Variants in CADM2 observed in about 807,000 individuals in gnomAD.
CADM2 encodes cell adhesion molecule 2.
In CADM2, 12 loss-of-function variants were observed where a neutral mutation model predicts 49.8. The ratio of observed to expected loss-of-function variants is 0.24; its 90% CI spans 0.15 to 0.39. The LOEUF is 0.39. Ranked by LOEUF, CADM2 falls within the 10% of genes least tolerant of loss-of-function variation. CADM2 has a pLI of 1.00. For missense variants in CADM2, 378 were observed against 492.3 expected (o/e 0.77, Z 2.20); for synonymous variants, 214 against 175.4 (o/e 1.22, Z -1.74).
At position 85,401,715 on chromosome 3, in the gene CADM2, C is replaced by A. The variant is rs531052245; in HGVS notation, c.62-324807C>A. Among the ~76,000 whole-genome samples the A allele has an allele frequency of 7.9e-5, 12 of 152,244 alleles. No homozygotes were observed. The East Asian group carries it at 1.7e-3, about 22-fold the overall frequency. On this transcript the variant is annotated intron_variant, in intron 1 of 9. Transcript: ENST00000383699. Reference sequence around the variant, plus strand: ...GGGACCCTGTAGTCCTCTCTCCTGCCTGCCAACATTGACCAGACACAAAGG... The same window carrying A: ...GGGACCCTGTAGTCCTCTCTCCTGCATGCCAACATTGACCAGACACAAAGG...
chr3:85,522,993 G>GA (rs71108296), intron 1 of CADM2, among the ~76,000 whole-genome samples: 9,401 of 105,354 alleles, frequency 0.089, 639 homozygotes, highest in African/African-American at 0.24. Context: ...ACTTTTCCAA[G>GA]AAAAAAAAAA....
intron 1 of CADM2, among the ~76,000 whole-genome samples, chr3:85,354,410 G>A (rs896857131): frequency 1.3e-5 from 2 of 150,024 alleles, no homozygotes; most frequent in Non-Finnish European, 3.0e-5. Context: ...GCTAAATGAC[G>A]AGTTAATGGG....
intron 1 of CADM2, among the ~76,000 whole-genome samples, chr3:85,672,725 C>T (rs2065778563): frequency 6.6e-6 from 1 of 152,056 alleles, no homozygotes; most frequent in Non-Finnish European, 1.5e-5. Context: ...ATAACACAAG[C>T]ATAAAAATAG....
chr3:85,457,372 C>A (rs1353287336), intron 1 of CADM2, among the ~76,000 whole-genome samples: 1 of 151,466 alleles, frequency 6.6e-6, no homozygotes, highest in Non-Finnish European at 1.5e-5. Context: ...ATGATTGCAC[C>A]ACTGCACTCC....
chr3:85,020,034 T>G (rs1269707800), intron 1 of CADM2, among the ~76,000 whole-genome samples: 1 of 152,154 alleles, frequency 6.6e-6, no homozygotes, highest in African/African-American at 2.4e-5. Context: ...CAAGTACTAT[T>G]TTAAGTGTGT....
At chr3:85,518,796 A>T (rs1268762589) in intron 1 of CADM2, among the ~76,000 whole-genome samples, 1 of 152,046 alleles carries the variant, frequency 6.6e-6, no homozygotes, top group Non-Finnish European at 1.5e-5. Context: ...TTTAAGGCCT[A>T]CCCAGATGAT....
intron 1 of CADM2, among the ~76,000 whole-genome samples, chr3:85,267,498 A>T (rs12638015): frequency 6.6e-6 from 1 of 151,484 alleles, no homozygotes; most frequent in Non-Finnish European, 1.5e-5. Flanking sequence ...TAAGATTGCC[A>T]TATTTATTTA....
intron 1 of CADM2, among the ~76,000 whole-genome samples, chr3:85,316,165 G>T (rs967135965): frequency 2.6e-5 from 4 of 152,138 alleles, no homozygotes; most frequent in African/African-American, 9.7e-5. Flanking sequence ...CTCTCTGGAA[G>T]TCAGTTTCAC....
At chr3:85,355,742 A>C (rs927489852) in intron 1 of CADM2, among the ~76,000 whole-genome samples, 5 of 152,120 alleles carry the variant, frequency 3.3e-5, no homozygotes, top group Non-Finnish European at 5.9e-5. Flanking sequence ...ATATTTTAGC[A>C]AGTGGCAATA....
intron 1 of CADM2, among the ~76,000 whole-genome samples, chr3:85,179,582 C>T (rs981890483): frequency 1.1e-4 from 16 of 151,850 alleles, no homozygotes; most frequent in African/African-American, 3.9e-4. Context: ...GAATATGCAA[C>T]TTCTGGGGTC....
At chr3:85,425,453 G>A (rs2036356493) in intron 1 of CADM2, among the ~76,000 whole-genome samples, 1 of 152,098 alleles carries the variant, frequency 6.6e-6, no homozygotes. Flanking sequence ...GATCAAATCA[G>A]GTAATTAACA....
intron 3 of CADM2, among the ~76,000 whole-genome samples, chr3:85,859,032 A>G (rs1364939932): frequency 6.6e-6 from 1 of 152,120 alleles, no homozygotes; most frequent in Non-Finnish European, 1.5e-5. Flanking sequence ...AAACCTTTTC[A>G]TTTTGTGACA....
intron 5 of CADM2, among the ~76,000 whole-genome samples, chr3:85,899,023 C>T (rs370643091): frequency 7.1e-5 from 9 of 126,118 alleles, no homozygotes; most frequent in African/African-American, 1.8e-4. Context: ...TGGAGTGCAG[C>T]GGTGCAATCT....
chr3:86,047,516 G>C (rs1294745397), intron 8 of CADM2, among the ~76,000 whole-genome samples: 1 of 152,146 alleles, frequency 6.6e-6, no homozygotes, highest in African/African-American at 2.4e-5. Flanking sequence ...GACCCTCTGG[G>C]TAGAATTTAC....
At chr3:85,081,586 A>T (rs2107501133) in intron 1 of CADM2, among the ~76,000 whole-genome samples, 1 of 152,332 alleles carries the variant, frequency 6.6e-6, no homozygotes, top group East Asian at 1.9e-4. Context: ...TTGTAAAGTG[A>T]GTAACTCTTC....
chr3:85,122,889 GA>G (rs2038913753), intron 1 of CADM2, among the ~76,000 whole-genome samples: 1 of 151,954 alleles, frequency 6.6e-6, no homozygotes, highest in African/African-American at 2.4e-5. Context: ...GCTCTTTGGG[GA>G]AATTATTCCT....
chr3:85,881,944 C>A (rs1168955866), intron 3 of CADM2, among the ~76,000 whole-genome samples: 1 of 152,118 alleles, frequency 6.6e-6, no homozygotes, highest in African/African-American at 2.4e-5. Flanking sequence ...GTTCACTCTC[C>A]TATAAGAAGT....
chr3:86,031,802 G>A (rs1734591600), intron 8 of CADM2, among the ~76,000 whole-genome samples: 1 of 151,668 alleles, frequency 6.6e-6, no homozygotes, highest in African/African-American at 2.4e-5. Flanking sequence ...GAGAGTTAGA[G>A]TATTGGTGTA....
At chr3:85,508,175 G>A (rs1364708381) in intron 1 of CADM2, among the ~76,000 whole-genome samples, 1 of 152,136 alleles carries the variant, frequency 6.6e-6, no homozygotes, top group Non-Finnish European at 1.5e-5. Context: ...GCCTCCATGA[G>A]CACGTATTGT....
Sources: allele counts gnomAD v4.1 joint callset (sites outside exome capture counted in the v4.1 genomes callset), GRCh38; gene constraint gnomAD v4.1.1; transcripts MANE v1.5; gene names NCBI Gene and HGNC (gene_info 2026-07-23, HGNC 2026-07-21).